XRN1: variants seen among roughly 807,000 people sequenced by gnomAD.
The protein encoded by XRN1 is strand-exchange protein 1 homolog.
A neutral mutation model predicts 222.3 loss-of-function variants in XRN1; 67 were observed. That is an observed-to-expected ratio of 0.30 (90% CI 0.25 to 0.37). XRN1 has a LOEUF of 0.37. Ranked by LOEUF, XRN1 falls within the 10% of genes least tolerant of loss-of-function variation. The pLI is 1.00. For synonymous variants in XRN1, 643 were observed against 652.4 expected, an observed-to-expected ratio of 0.99 and a Z score of 0.22; for missense variants, 1,707 against 2,000.2, an observed-to-expected ratio of 0.85 and a Z score of 2.80.
intron 32 of XRN1, among the ~76,000 whole-genome samples, chr3:142,353,565 C>T (rs2066375027): frequency 6.6e-6 from 1 of 152,026 alleles, no homozygotes; most frequent in African/African-American, 2.4e-5. Flanking sequence ...ACAAAGACAA[C>T]AAAACAAGCA....
intron 39 of XRN1, among the ~76,000 whole-genome samples, chr3:142,316,754 C>G (rs374637119): frequency 6.6e-6 from 1 of 152,140 alleles, no homozygotes; most frequent in Admixed American, 6.5e-5. Context: ...TTTGTTGGAG[C>G]ATGTAATTCA....
chr3:142,400,335 G>A lies in XRN1; in HGVS notation c.2207+109C>T, dbSNP rs560323793. The A allele has an allele frequency of 1.6e-5, 14 of 878,108 alleles. No individual in the cohort carries two copies. In the African/African-American group the frequency reaches 2.0e-4, roughly 13 times the overall value. The allele number at this position is 878,108 out of a possible 1,614,324, so 54.4% of individuals were successfully genotyped here. A position where few individuals can be genotyped will look rare whatever the true frequency, so the allele number is the denominator to read the frequency against. ...ACGACTTTCATTTTTGGTACAGAGT[G>A]TAAATGTTCTTAATATAATTTTGTC... is the stretch of plus-strand genomic sequence containing the variant. On this transcript the variant is annotated intron_variant, in intron 19 of 40. Transcript: ENST00000392981.
At chr3:142,401,181 G>A (rs560818352) in intron 18 of XRN1, among the ~76,000 whole-genome samples, 95 of 152,196 alleles carry the variant, frequency 6.2e-4, no homozygotes, top group African/African-American at 2.3e-3. Flanking sequence ...AAGAATATTA[G>A]ACTTAAAATC....
intron 34 of XRN1, among the ~76,000 whole-genome samples, chr3:142,334,627 G>T (rs1217324738): frequency 6.6e-6 from 1 of 151,146 alleles, no homozygotes; most frequent in Admixed American, 6.6e-5. Flanking sequence ...AATTGTATAT[G>T]TAAATATATA....
chr3:142,346,483 CTCT>C (rs1469343258), intron 33 of XRN1, among the ~76,000 whole-genome samples: 3 of 151,112 alleles, frequency 2.0e-5, no homozygotes, highest in African/African-American at 4.9e-5. Context: ...CACAATCATC[CTCT>C]TTTTTTTTTT....
chr3:142,386,293 A>C (rs1313657135), intron 20 of XRN1, among the ~76,000 whole-genome samples: 1 of 152,092 alleles, frequency 6.6e-6, no homozygotes, highest in Non-Finnish European at 1.5e-5. Flanking sequence ...AAACTTAAAC[A>C]GATAAAATCC....
intron 2 of XRN1, among the ~76,000 whole-genome samples, chr3:142,427,934 A>T (rs1161744017): frequency 6.6e-6 from 1 of 152,216 alleles, no homozygotes; most frequent in Non-Finnish European, 1.5e-5. Flanking sequence ...TTCAAGTTTA[A>T]CTTCTCTCTC....
chr3:142,361,753 T>G (rs1242205809), intron 29 of XRN1, among the ~76,000 whole-genome samples: 1 of 152,198 alleles, frequency 6.6e-6, no homozygotes, highest in Non-Finnish European at 1.5e-5. Flanking sequence ...GTAAAATATC[T>G]GTTCAGCTAT....
Position 142,430,074 on chromosome 3 carries a change from T to C in XRN1, c.308+2587A>G, listed in dbSNP as rs143874299. Among the ~76,000 whole-genome samples the C allele has an allele frequency of 9.8e-5, 15 of 152,302 alleles. No individual in the cohort carries two copies. In the East Asian group the frequency reaches 2.9e-3, roughly 29 times the overall value. ...AGCTTCTTAATTATTGGATCACAGATAAAGGAGTAAGTTCCCGAAACCACC... is the reference window on the plus strand; with the variant it reads ...AGCTTCTTAATTATTGGATCACAGACAAAGGAGTAAGTTCCCGAAACCACC... On this transcript the variant is annotated intron_variant, in intron 2 of 40. Transcript: ENST00000392981.
At chr3:142,332,309 T>TAA in intron 36 of XRN1, 66 bp downstream of exon 36, 1 of 1,232,206 alleles carries the variant, frequency 8.1e-7, no homozygotes, top group Non-Finnish European at 1.1e-6. Flanking sequence ...AGTACATGAT[T>TAA]AAAAAGAACC....
Position 142,425,288 on chromosome 3 carries a change from G to T in XRN1, c.561C>A (p.Ser187=), listed in dbSNP as rs375173958. Residue 187 remains serine (S), a synonymous_variant, in exon 5 of 41, where the codon TCC becomes TCA. Coordinates refer to ENST00000392981, the MANE Select transcript of XRN1 (RefSeq NM_001282857.2). ...GATCATGATCTGGCTTTGCTTTCTC[G>T]GATCTGATAAATTCCATGATTTTAT... ...GEHKIMEFIR[S]EKAKPDHDPN... 5 of 1,607,272 alleles carry T rather than the reference G, an allele frequency of 3.1e-6. No individual in the cohort carries two copies. The highest frequency in any genetic ancestry group is 4.2e-6 in the Non-Finnish European group (5 of 1,176,948).
rs2067148568 is a variant in XRN1, at chr3:142,376,571, T to C, written c.2739A>G (p.Pro913=). 6.2e-7 allele frequency: 1 copy of C among 1,612,024 alleles called. No individual in the cohort carries two copies. Among genetic ancestry groups the C allele is most frequent in the South Asian group, 1.1e-5 (1 of 90,764 alleles). The change falls in exon 24 of 41, where the codon CCA becomes CCG. Residue 913 remains proline, a synonymous_variant. Coordinates refer to ENST00000392981, the MANE Select transcript of XRN1 (RefSeq NM_001282857.2). ...NQHKYSIKYN[P]GYVLASRLGV... is the part of the protein sequence containing the mutation. The stretch of plus-strand genomic sequence containing the variant: ...CAAGGCGACTGGCCAACACATATCC[T>C]GGGTTGTACTTTATAGAATATTTCT...
chr3:142,376,701 G>T, intron 23 of XRN1, 107 bp from the exon 24 acceptor site: 1 of 785,684 alleles, frequency 1.3e-6, no homozygotes, highest in Non-Finnish European at 2.0e-6. Context: ...ACTAACCATT[G>T]GATTGTGGCA....
chr3:142,326,350 C>T (rs2065517074), intron 37 of XRN1, among the ~76,000 whole-genome samples: 1 of 151,918 alleles, frequency 6.6e-6, no homozygotes, highest in African/African-American at 2.4e-5. Flanking sequence ...AATAAGTTTT[C>T]ATTGTAGAGA....
Position 142,447,991 on chromosome 3 carries a change from C to A in XRN1, c.-47G>T. On this transcript the variant is annotated 5_prime_UTR_variant, in exon 1 of 41. Coordinates refer to ENST00000392981, the MANE Select transcript of XRN1 (RefSeq NM_001282857.2). This position sits in a 1 kb window ranked among gnomAD's most constrained non-coding sequence, Gnocchi z 4.2. Reference sequence around the variant, plus strand: ...CAGTCAGGGCCAAACCGAAACCAAACGCCCCGCCGGGGCTCCGCCGCAGCC... The same window carrying A: ...CAGTCAGGGCCAAACCGAAACCAAAAGCCCCGCCGGGGCTCCGCCGCAGCC... The A allele has an allele frequency of 6.3e-7, 1 of 1,597,588 alleles. No homozygotes were observed. The highest frequency in any genetic ancestry group is 8.6e-7 in the Non-Finnish European group (1 of 1,168,504).
At chr3:142,350,531 A>C (rs115429847) in intron 32 of XRN1, among the ~76,000 whole-genome samples, 22 of 152,234 alleles carry the variant, frequency 1.4e-4, no homozygotes, top group East Asian at 5.8e-4. Flanking sequence ...TGAGCAGCAG[A>C]AGGACATGAT....
chr3:142,346,793 T>G (rs987210328), intron 33 of XRN1, among the ~76,000 whole-genome samples: 10 of 152,176 alleles, frequency 6.6e-5, no homozygotes, highest in Admixed American at 6.5e-4. Flanking sequence ...TTCTGAATAT[T>G]TTTGATCCTC....
intron 3 of XRN1, chr3:142,426,485 G>C (rs958070267): frequency 2.7e-6 from 1 of 375,168 alleles, no homozygotes; most frequent in African/African-American, 2.1e-5. Flanking sequence ...TTTCTTCAAG[G>C]TCTGCAATTC....
At chr3:142,322,446 G>T (rs1376840975) in intron 37 of XRN1, among the ~76,000 whole-genome samples, 3 of 152,118 alleles carry the variant, frequency 2.0e-5, no homozygotes, top group African/African-American at 7.2e-5. Context: ...TAGCACTCTG[G>T]GAGGCTGAGG....
Sources: allele counts gnomAD v4.1 joint callset (sites outside exome capture counted in the v4.1 genomes callset), GRCh38; gene constraint gnomAD v4.1.1; non-coding constraint Gnocchi (gnomAD v3.1); transcripts MANE v1.5; gene names NCBI Gene and HGNC (gene_info 2026-07-23, HGNC 2026-07-21).